The following NPFFR2 variants were observed in gnomAD, a reference collection of about 807,000 sequenced individuals.
NPFFR2 encodes the protein neuropeptide FF receptor 2.
NPFFR2 carries 15 observed loss-of-function variants against 13.1 expected under a neutral mutation model. The observed-to-expected ratio is 1.15, with a 90% CI of 0.77 to 1.76. The LOEUF is 1.76. NPFFR2 is among the 40% of genes most tolerant of loss of function. The pLI is 0.00. For synonymous variants in NPFFR2, 190 were observed against 175.7 expected (o/e 1.08, Z -0.65); for missense variants, 572 against 503.5 (o/e 1.14, Z -1.30).
chr4:72,125,960 G>A (rs542973413), intron 1 of NPFFR2, among the ~76,000 whole-genome samples: 5 of 152,186 alleles, frequency 3.3e-5, no homozygotes, highest in Admixed American at 1.3e-4. Context: ...AAATTTTATA[G>A]CTAAGGACAA....
Position 72,065,779 on chromosome 4 carries a change from C to T in NPFFR2, c.-8+33579C>T, listed in dbSNP as rs536793955. Among the ~76,000 whole-genome samples the T allele has an allele frequency of 4.7e-4, 72 of 152,214 alleles. No individual in the cohort carries two copies. In the South Asian group the frequency reaches 0.013, roughly 29 times the overall value. ...TTACATTAAGACTAGCAGCAGGGTA[C>T]AGGAACTATCCCAGGCAAATCTGGT... On this transcript the variant is annotated intron_variant, in intron 1 of 3. Coordinates refer to ENST00000308744, the MANE Select transcript of NPFFR2 (RefSeq NM_004885.3).
intron 1 of NPFFR2, among the ~76,000 whole-genome samples, chr4:72,106,956 A>C (rs1721436166): frequency 6.6e-6 from 1 of 152,010 alleles, no homozygotes; most frequent in African/African-American, 2.4e-5. Flanking sequence ...ATATCACGTC[A>C]TGCTTGATCA....
chr4:72,056,241 C>T (rs980195512), intron 1 of NPFFR2, among the ~76,000 whole-genome samples: 3 of 151,974 alleles, frequency 2.0e-5, no homozygotes, highest in Admixed American at 2.0e-4. Flanking sequence ...AGCCAATGCT[C>T]ATTGATTATT....
chr4:72,032,033 G>A lies in NPFFR2; in HGVS notation c.-175G>A, dbSNP rs1560388502. ...TCCAGCAGCGCGGCGGGCCAGCCTG[G>A]AGCGGAAGCCTGGAGTGGAGCAGGC... On this transcript the variant is annotated 5_prime_UTR_variant, in exon 1 of 4. Transcript: ENST00000308744. 6.2e-7 allele frequency: 1 copy of A among 1,613,988 alleles called. No homozygotes were observed. Among genetic ancestry groups the A allele is most frequent in the Non-Finnish European group, 8.5e-7 (1 of 1,179,982 alleles).
intron 1 of NPFFR2, among the ~76,000 whole-genome samples, chr4:72,120,135 T>C (rs1560416911): frequency 6.6e-6 from 1 of 152,136 alleles, no homozygotes; most frequent in African/African-American, 2.4e-5. Context: ...TAGGCAGTTT[T>C]CCTCTCCCAG....
chr4:72,079,542 G>A (rs890533669), intron 1 of NPFFR2, among the ~76,000 whole-genome samples: 1 of 152,026 alleles, frequency 6.6e-6, no homozygotes, highest in Non-Finnish European at 1.5e-5. Context: ...AAAACTTTAA[G>A]CAATAAAATA....
At chr4:72,138,791 T>C (rs1397907847) in intron 3 of NPFFR2, among the ~76,000 whole-genome samples, 4 of 152,200 alleles carry the variant, frequency 2.6e-5, no homozygotes, top group Non-Finnish European at 5.9e-5. Flanking sequence ...ATGGGATTGC[T>C]GGGTCAAATG....
chr4:72,099,687 C>A (rs1043297715), intron 1 of NPFFR2, among the ~76,000 whole-genome samples: 1 of 152,074 alleles, frequency 6.6e-6, no homozygotes, highest in Non-Finnish European at 1.5e-5. Context: ...CCCAACACCG[C>A]CCATCAGTCT....
intron 1 of NPFFR2, among the ~76,000 whole-genome samples, chr4:72,128,199 A>G (rs1049218497): frequency 1.3e-5 from 2 of 152,224 alleles, no homozygotes; most frequent in African/African-American, 4.8e-5. Context: ...CAGGAAAGCT[A>G]GAGGCATGTG....
At chr4:72,087,552 G>A (rs1247628069) in intron 1 of NPFFR2, among the ~76,000 whole-genome samples, 1 of 44,526 alleles carries the variant, frequency 2.2e-5, no homozygotes, top group Non-Finnish European at 1.0e-4. Flanking sequence ...TGATGGTCTT[G>A]TGTAGGTAAT....
chr4:72,128,971 T>C, intron 2 of NPFFR2, 52 bp downstream of exon 2: 1 of 1,386,234 alleles, frequency 7.2e-7, no homozygotes, highest in South Asian at 1.3e-5. Flanking sequence ...TTGTCCCATA[T>C]TTCAGCAGCC....
At chr4:72,109,640 T>C (rs1721508618) in intron 1 of NPFFR2, among the ~76,000 whole-genome samples, 1 of 151,970 alleles carries the variant, frequency 6.6e-6, no homozygotes, top group Admixed American at 6.6e-5. Context: ...AGTCAACAAC[T>C]AGTTATTTCT....
intron 1 of NPFFR2, among the ~76,000 whole-genome samples, chr4:72,073,550 TCTCTA>T (rs565162326): frequency 1.3e-3 from 203 of 152,174 alleles, no homozygotes; most frequent in African/African-American, 4.5e-3. Context: ...TACTTTTTGT[TCTCTA>T]CTCTATTTAA....
At chr4:72,103,891 G>A (rs897045291) in intron 1 of NPFFR2, among the ~76,000 whole-genome samples, 18 of 151,952 alleles carry the variant, frequency 1.2e-4, no homozygotes, top group Non-Finnish European at 5.9e-5. Flanking sequence ...TAAATAACAA[G>A]TGTTGATCTC....
chr4:72,119,919 G>A (rs36086844), intron 1 of NPFFR2, among the ~76,000 whole-genome samples: 2 of 152,016 alleles, frequency 1.3e-5, no homozygotes, highest in East Asian at 1.9e-4. Context: ...CCAGGAGCCC[G>A]AGTGAGACAG....
At chr4:72,102,599 C>T (rs1721286818) in intron 1 of NPFFR2, among the ~76,000 whole-genome samples, 1 of 139,236 alleles carries the variant, frequency 7.2e-6, no homozygotes, top group Non-Finnish European at 1.5e-5. Context: ...TTGTTCAATT[C>T]CCACCTATGA....
chr4:72,073,391 C>G (rs1250069755), intron 1 of NPFFR2, among the ~76,000 whole-genome samples: 1 of 151,870 alleles, frequency 6.6e-6, no homozygotes, highest in African/African-American at 2.4e-5. Context: ...CAAAAGCTTA[C>G]CACTAGAACT....
Position 72,058,514 on chromosome 4 carries a change from C to T in NPFFR2, c.-8+26314C>T, listed in dbSNP as rs28565115. ...ATGTTTTAATGCATATAAGCTGGTC[C>T]CTGGCAACTAAGCCAGTGACCTGAC... On this transcript the variant is annotated intron_variant, in intron 1 of 3. Transcript: ENST00000308744. Among the ~76,000 whole-genome samples, 1,216 of 152,014 alleles carry T rather than the reference C, an allele frequency of 8.0e-3. 8 individuals carry two copies. The highest frequency in any genetic ancestry group is 0.017 in the African/African-American group (704 of 41,500).
At chr4:72,079,966 C>T (rs1053698660) in intron 1 of NPFFR2, among the ~76,000 whole-genome samples, 15 of 152,082 alleles carry the variant, frequency 9.9e-5, no homozygotes, top group Non-Finnish European at 2.2e-4. Context: ...CCCCTCTTCC[C>T]TTCTGAGAGA....
Sources: gnomAD v4.1 joint callset for allele counts (sites outside exome capture counted in the v4.1 genomes callset) on GRCh38, gnomAD v4.1.1 for gene constraint, MANE v1.5 for transcripts, NCBI Gene and HGNC (gene_info 2026-07-23, HGNC 2026-07-21) for gene names.